GFI1B: variants seen among roughly 807,000 people sequenced by gnomAD.
The protein encoded by GFI1B is growth factor independent 1B transcriptional repressor, also known as zinc finger protein Gfi-1b.
GFI1B carries 20 observed loss-of-function variants against 35.3 expected under a neutral mutation model. The ratio of observed to expected loss-of-function variants is 0.57; its 90% confidence interval spans 0.40 to 0.82. The LOEUF (loss-of-function observed/expected upper bound fraction) is 0.82, where lower values mean the gene tolerates loss of function less well. Among genes scored for constraint, GFI1B ranks in the 40% least tolerant of loss-of-function variants. GFI1B has a pLI of 0.00. For synonymous variants in GFI1B, 178 were observed against 177.6 expected (o/e 1.00, Z -0.02); for missense variants, 430 against 446.3 (o/e 0.96, Z 0.33).
chr9:132,965,793 C>T (rs1588414988), intron 1 of GFI1B, among the ~76,000 whole-genome samples: 1 of 152,338 alleles, frequency 6.6e-6, no homozygotes, highest in East Asian at 1.9e-4. Context: ...TTCCGACTTC[C>T]AGCCTCCAGA....
chr9:132,981,734 G>A (rs1017031019), intron 1 of GFI1B, among the ~76,000 whole-genome samples: 3 of 151,974 alleles, frequency 2.0e-5, no homozygotes, highest in Non-Finnish European at 4.4e-5. Flanking sequence ...ACTCCTCCAC[G>A]GACAAGTCTT....
At chr9:132,978,165 A>AAG, upstream of GFI1B, among the ~76,000 whole-genome samples, 1 of 148,384 alleles carries the variant, frequency 6.7e-6, no homozygotes, top group Non-Finnish European at 1.5e-5. Flanking sequence ...GAAAGGAGGG[A>AAG]AGAGAGAGAG....
intron 1 of GFI1B, among the ~76,000 whole-genome samples, chr9:132,979,296 G>A (rs1043766642): frequency 1.4e-5 from 2 of 142,972 alleles, no homozygotes; most frequent in Admixed American, 1.5e-4. Flanking sequence ...AGACTCTGGA[G>A]CGCAGTGGTG....
At chr9:132,967,928 G>A (rs1189918741) in intron 1 of GFI1B, among the ~76,000 whole-genome samples, 5 of 151,842 alleles carry the variant, frequency 3.3e-5, no homozygotes, top group African/African-American at 7.3e-5. Flanking sequence ...TTACATGCAT[G>A]TGCCACCACG....
intron 1 of GFI1B, among the ~76,000 whole-genome samples, chr9:132,971,427 A>G (rs1588419084): frequency 1.3e-5 from 2 of 152,118 alleles, no homozygotes; most frequent in South Asian, 4.2e-4. Flanking sequence ...TCCCACCTGA[A>G]TACTGCCCTT....
Position 132,985,997 on chromosome 9 carries a change from G to A in GFI1B, c.-20-662G>A, listed in dbSNP as rs542826381. Among the ~76,000 whole-genome samples the A allele has an allele frequency of 7.2e-5, 11 of 152,334 alleles. No homozygotes were observed. In the East Asian group the frequency reaches 2.1e-3, roughly 29 times the overall value. ...TGCAGCCCAGGTCATGCCAATGGGAGCAGGCTTGTCTGAGCGTTTTCTAGG... is the reference window on the plus strand; with the variant it reads ...TGCAGCCCAGGTCATGCCAATGGGAACAGGCTTGTCTGAGCGTTTTCTAGG... On this transcript the variant is annotated intron_variant, in intron 1 of 6. Coordinates refer to ENST00000372122, the MANE Select transcript of GFI1B (RefSeq NM_001377304.1).
Position 132,991,017 on chromosome 9 carries a change from G to A in GFI1B, c.960G>A (p.Arg320=). The A allele has an allele frequency of 6.2e-7, 1 of 1,614,096 alleles. No homozygotes were observed. The highest frequency in any genetic ancestry group is 8.5e-7 in the Non-Finnish European group (1 of 1,179,964). ...GCTTCCAGCGCAAGGTGGACCTGCG[G>A]CGGCACCGCGAGAGCCAGCACAATC... The part of the protein sequence containing the change: ...TKGFQRKVDL[R]RHRESQHNLK Residue 320 remains arginine (R), a synonymous_variant, in exon 7 of 7, where the codon CGG becomes CGA. Coordinates refer to ENST00000372122, the MANE Select transcript of GFI1B (RefSeq NM_001377304.1).
chr9:132,983,156 ACTTGAGGGT>A (rs1259879171), intron 1 of GFI1B, among the ~76,000 whole-genome samples: 1 of 144,728 alleles, frequency 6.9e-6, no homozygotes, highest in Non-Finnish European at 1.5e-5. Flanking sequence ...CCTGGAAAAG[ACTTGAGGGT>A]CAGAGGGTTT....
chr9:132,959,827 G>T (rs887496476), intron 1 of GFI1B, among the ~76,000 whole-genome samples: 6 of 152,178 alleles, frequency 3.9e-5, no homozygotes, highest in African/African-American at 1.4e-4. Flanking sequence ...CTTCATGCAG[G>T]CTTCTCCTCT....
intron 1 of GFI1B, among the ~76,000 whole-genome samples, chr9:132,964,410 C>T (rs1848417096): frequency 6.6e-6 from 1 of 152,002 alleles, no homozygotes; most frequent in East Asian, 1.9e-4. Context: ...CAAACAAAAC[C>T]CAGTAATGCT....
intron 1 of GFI1B, among the ~76,000 whole-genome samples, chr9:132,947,448 C>T (rs1172473855): frequency 6.7e-6 from 1 of 148,458 alleles, no homozygotes; most frequent in African/African-American, 2.5e-5. Context: ...AAAGAGAATT[C>T]ATGAATCAGG....
intron 1 of GFI1B, among the ~76,000 whole-genome samples, chr9:132,985,050 C>T (rs2132636332): frequency 7.0e-6 from 1 of 143,488 alleles, no homozygotes; most frequent in East Asian, 2.4e-4. Context: ...TGCAGCCTTG[C>T]ATGGCGGCTG....
At chr9:132,948,282 A>G (rs902025301) in intron 1 of GFI1B, among the ~76,000 whole-genome samples, 6 of 152,180 alleles carry the variant, frequency 3.9e-5, no homozygotes, top group East Asian at 3.9e-4. Flanking sequence ...CCCGTCCTAC[A>G]GCAAGGTGTG....
chr9:132,989,217 G>T lies in GFI1B; in HGVS notation c.648+19G>T, dbSNP rs779141095. On this transcript the variant is annotated intron_variant, in intron 5 of 6. Transcript: ENST00000372122. The surrounding 1 kb of genome is among the most constrained non-coding windows in gnomAD (Gnocchi z 6.2). The stretch of plus-strand genomic sequence containing the variant: ...CTCCCAGGTGGGCACCTGGCCCAGC[G>T]CAGGACTCCCAGCCCCACTCCTTCT... 3 of 1,606,040 alleles carry T rather than the reference G, an allele frequency of 1.9e-6. No individual in the cohort carries two copies. Among genetic ancestry groups the T allele is most frequent in the Non-Finnish European group, 8.5e-7 (1 of 1,175,930 alleles).
In GFI1B at chr9:132,986,663, G is replaced by A. The variant is rs201670238; in HGVS notation, c.-16G>A. On this transcript the variant is annotated 5_prime_UTR_variant, in exon 2 of 7. Coordinates refer to ENST00000372122, the MANE Select transcript of GFI1B (RefSeq NM_001377304.1). ...TCCCATCCCTCCCCCTTGCAGGTGT[G>A]GGGTGCACACTGAAAATGCCACGCT... 384 of 1,534,712 alleles carry A rather than the reference G, an allele frequency of 2.5e-4. 1 individual carries two copies. The African/African-American group carries it at 4.9e-3, about 20-fold the overall frequency.
chr9:132,980,198 C>T (rs1430415818), intron 1 of GFI1B, among the ~76,000 whole-genome samples: 3 of 152,160 alleles, frequency 2.0e-5, no homozygotes, highest in African/African-American at 2.4e-5. Flanking sequence ...AGACCATTGC[C>T]CCGAAGCTTT....
chr9:132,978,202 GGGAA>G (rs897695810), upstream of GFI1B, among the ~76,000 whole-genome samples: 8 of 150,278 alleles, frequency 5.3e-5, no homozygotes, highest in Admixed American at 4.7e-4. Context: ...GAGGGAGGGA[GGGAA>G]GGAAAGAAGG....
intron 1 of GFI1B, among the ~76,000 whole-genome samples, chr9:132,956,854 C>CA (rs1330770237): frequency 2.6e-5 from 4 of 152,328 alleles, no homozygotes; most frequent in African/African-American, 9.6e-5. Flanking sequence ...GCTGGTGCTA[C>CA]AGTCATCCCA....
chr9:132,961,401 T>C (rs1848360951), intron 1 of GFI1B, among the ~76,000 whole-genome samples: 1 of 146,224 alleles, frequency 6.8e-6, no homozygotes, highest in Admixed American at 6.9e-5. Context: ...CAGTCTTAAT[T>C]GTGAAAAGTC....
Sources: allele counts gnomAD v4.1 joint callset (sites outside exome capture counted in the v4.1 genomes callset), GRCh38; gene constraint gnomAD v4.1.1; non-coding constraint Gnocchi (gnomAD v3.1); transcripts MANE v1.5; gene names NCBI Gene and HGNC (gene_info 2026-07-23, HGNC 2026-07-21).